Variants in MYH3 observed in about 807,000 individuals in gnomAD.
MYH3 encodes myosin-3.
Under a neutral mutation model 238.0 loss-of-function variants are expected in MYH3, and 130 were observed. The observed-to-expected ratio is 0.55, with a 90% CI of 0.47 to 0.63. MYH3 has a LOEUF of 0.63. Ranked by LOEUF, MYH3 falls within the 30% of genes least tolerant of loss-of-function variation. The pLI is 0.00. For missense variants in MYH3, 1,853 were observed against 2,374.9 expected, an observed-to-expected ratio of 0.78 and a Z score of 4.57; for synonymous variants, 880 against 924.1, an observed-to-expected ratio of 0.95 and a Z score of 0.86.
intron 2 of MYH3, among the ~76,000 whole-genome samples, chr17:10,655,404 TGACAACCAGGTGTTGCTGAGGGAAC>T (rs1343065441): frequency 1.3e-5 from 2 of 152,190 alleles, no homozygotes; most frequent in Non-Finnish European, 2.9e-5. Context: ...TCCGCTTCTG[TGACAACCAGGTGTTGCTGAGGGAAC>T]GTTTAAAAAT....
chr17:10,637,905 C>T lies in MYH3; in HGVS notation c.3760G>A (p.Glu1254Lys), dbSNP rs748053676. Residue 1254 changes from glutamate to lysine, a missense_variant, in exon 28 of 41, where the codon GAG becomes AAG. Glu to Lys is a moderately conservative substitution (Grantham distance 56). This residue lies in a region of MYH3 where 1,044 missense variants were observed against 1,192.6 expected (regional missense o/e 0.88). Transcript: ENST00000583535. ...ANLEKICRTLEDQLSEARGKN... is the reference protein window; with the variant it reads ...ANLEKICRTLKDQLSEARGKN... ...CCCCTGGCCTCACTTAACTGATCCT[C>T]CAGGGTTCGGCAGATTTTTTCCAGA... 1 of 1,614,140 alleles carries T rather than the reference C, an allele frequency of 6.2e-7. No individual in the cohort carries two copies. Among genetic ancestry groups the T allele is most frequent in the South Asian group, 1.1e-5 (1 of 91,076 alleles).
chr17:10,648,115 G>A lies in MYH3; in HGVS notation c.735+442C>T, dbSNP rs996849347. 5.9e-5 allele frequency among the ~76,000 whole-genome samples: 9 copies of A among 152,208 alleles called. 1 individual carries two copies. Among genetic ancestry groups the A allele is most frequent in the Admixed American group, 5.9e-4 (9 of 15,292 alleles). On this transcript the variant is annotated intron_variant, in intron 8 of 40. Transcript: ENST00000583535. ...ATGGCCTGTGGCTCCCACATGACCA[G>A]GTCTCTCTCTCTTCCACCTCATCTC...
the MYH3 span, chr17:10,673,762 G>A: frequency 6.6e-6 from 1 of 152,200 alleles, no homozygotes; most frequent in African/African-American, 2.4e-5. Flanking sequence ...GGGTAACCAA[G>A]CAGCATCTCT....
In MYH3 at chr17:10,642,291, T is replaced by G. The variant is rs1464698358; in HGVS notation, c.1908A>C (p.Lys636Asn). 4.3e-6 allele frequency: 7 copies of G among 1,614,056 alleles called. No homozygotes were observed. Among genetic ancestry groups the G allele is most frequent in the African/African-American group, 1.3e-5 (1 of 74,932 alleles). Residue 636 changes from lysine (K) to asparagine (N), a missense_variant, in exon 17 of 41, where the codon AAA (lysine) becomes AAC (asparagine). Lys to Asn is a moderately conservative substitution (Grantham distance 94, BLOSUM62 0). Transcript: ENST00000583535. The surrounding 1 kb of genome is among the most constrained non-coding windows in gnomAD (Gnocchi z 5.4). ...ATADADSGKK[K>N]VAKKKGSSFQ... ...AGGAAGAACCCTTCTTCTTGGCAAC[T>G]TTCTTCTTTCCACTGTCAGCTGAAA...
At chr17:10,649,214 T>G (rs1418215543) in intron 7 of MYH3, among the ~76,000 whole-genome samples, 2 of 152,240 alleles carry the variant, frequency 1.3e-5, no homozygotes, top group Non-Finnish European at 2.9e-5. Context: ...CAGTCAGTTG[T>G]CCGTATTCAT....
At chr17:10,641,244 T>A (rs1369927652) in intron 18 of MYH3, 41 bp downstream of exon 18, 1 of 1,611,352 alleles carries the variant, frequency 6.2e-7, no homozygotes, top group African/African-American at 1.3e-5. Flanking sequence ...CAGAATTTCT[T>A]AAAAACTGAG....
In MYH3 at chr17:10,629,629, G is replaced by A. The variant is rs1358047070; in HGVS notation, c.5764C>T (p.Arg1922Cys). 6.2e-6 allele frequency: 10 copies of A among 1,613,858 alleles called. No homozygotes were observed. Among genetic ancestry groups the A allele is most frequent in the Non-Finnish European group, 8.5e-6 (10 of 1,180,046 alleles). ...GAGGTGAAGTCTCGAGTCTTAGCGC[G>A]GAGCTTGTTGACTTGAGATTCTGCG... ...DIAESQVNKLRAKTRDFTSSR... is the reference protein window; with the variant it reads ...DIAESQVNKLCAKTRDFTSSR... The change falls in exon 40 of 41, where the codon CGC becomes TGC. Residue 1922 changes from arginine to cysteine, a missense_variant. By Grantham distance (180) the Arg-to-Cys change is radical (BLOSUM62 -3). This residue lies in a region of MYH3 where 1,044 missense variants were observed against 1,192.6 expected (regional missense o/e 0.88). Transcript: ENST00000583535.
chr17:10,656,866 G>A (rs1269504590), intron 1 of MYH3, among the ~76,000 whole-genome samples: 1 of 152,182 alleles, frequency 6.6e-6, no homozygotes, highest in Non-Finnish European at 1.5e-5. Context: ...CAAGACACCT[G>A]GCAGATGTAC....
intron 33 of MYH3, 94 bp downstream of exon 33, chr17:10,633,497 G>A: frequency 6.4e-7 from 1 of 1,560,590 alleles, no homozygotes; most frequent in Admixed American, 1.7e-5. Context: ...ATTTGACAAA[G>A]GCAAAAATGG....
At chr17:10,633,145 G>A (rs1313184314) in intron 33 of MYH3, among the ~76,000 whole-genome samples, 1 of 152,156 alleles carries the variant, frequency 6.6e-6, no homozygotes, top group Non-Finnish European at 1.5e-5. Flanking sequence ...CCAGGAGACA[G>A]AGGTTGCAGT....
chr17:10,645,843 G>A lies in MYH3; in HGVS notation c.1005C>T (p.Ser335=), dbSNP rs142547724. ...DDAEELLATD[S]AIDILGFTPE... ...GGGTGAAGCCCAGGATGTCAATGGC[G>A]CTCTGGCATGGAAAGGGCAGCACGT... Residue 335 remains serine (S), a splice_region_variant and synonymous_variant, in exon 12 of 41, where the codon AGC becomes AGT. Coordinates refer to ENST00000583535, the MANE Select transcript of MYH3 (RefSeq NM_002470.4). 18 of 1,613,772 alleles carry A rather than the reference G, an allele frequency of 1.1e-5. No individual in the cohort carries two copies. The Middle Eastern group carries it at 6.6e-4, about 59-fold the overall frequency.
In MYH3 at chr17:10,638,384, G is replaced by C. The variant is rs199517883; in HGVS notation, c.3388C>G (p.Arg1130Gly). The change falls in exon 27 of 41, where the codon CGC (arginine) becomes GGC (glycine). Residue 1130 changes from arginine (R) to glycine (G), a missense_variant. Arg to Gly is a moderately radical substitution (Grantham distance 125). Coordinates refer to ENST00000583535, the MANE Select transcript of MYH3 (RefSeq NM_002470.4). ...CTGCGCTGTTTCTCTGTCTTCGCGC[G>C]GGTGGCCCTCTCCGCCTCTATCTCC... is the stretch of plus-strand genomic sequence containing the variant. ...EEEIEAERAT[R>G]AKTEKQRSDY... The C allele has an allele frequency of 6.2e-7, 1 of 1,603,208 alleles. No homozygotes were observed. Among genetic ancestry groups the C allele is most frequent in the Non-Finnish European group, 8.5e-7 (1 of 1,179,940 alleles).
At position 10,651,671 on chromosome 17, in the gene MYH3, G is replaced by A. The variant is rs1283906363; in HGVS notation, c.349-3C>T. ...ACACAGAAGAGGCCTGAGTAGGTCTGTGGGAGGAAAAACATATACGTGCGT... is the reference window on the plus strand; with the variant it reads ...ACACAGAAGAGGCCTGAGTAGGTCTATGGGAGGAAAAACATATACGTGCGT... On this transcript the variant is annotated splice_region_variant and splice_polypyrimidine_tract_variant and intron_variant, in intron 4 of 40. Transcript: ENST00000583535. The A allele has an allele frequency of 1.9e-6, 3 of 1,613,974 alleles. No individual in the cohort carries two copies. The highest frequency in any genetic ancestry group is 1.1e-5 in the South Asian group (1 of 91,086).
Position 10,630,085 on chromosome 17 carries a change from C to T in MYH3, c.5562+7G>A. The T allele has an allele frequency of 6.2e-7, 1 of 1,613,636 alleles. No individual in the cohort carries two copies. The highest frequency in any genetic ancestry group is 2.2e-5 in the East Asian group (1 of 44,884). On this transcript the variant is annotated splice_region_variant and intron_variant, in intron 38 of 40. Coordinates refer to ENST00000583535, the MANE Select transcript of MYH3 (RefSeq NM_002470.4). ...GGACACGATCATGGCGTTTGCGTTC[C>T]ACTTACCTGGTACGTCAGCTCCTTG...
At position 10,631,877 on chromosome 17, in the gene MYH3, G is replaced by C; in HGVS notation, c.5096C>G (p.Ala1699Gly). ...GAGCTCCTGTTCCGCCAGTTTCCGG[G>C]CCCTCTCCGTCTGCTCCAGAGTAGC... The part of the protein sequence containing the change: ...LRATLEQTER[A>G]RKLAEQELLD... The change falls in exon 35 of 41, where the codon GCC becomes GGC. Residue 1699 changes from alanine to glycine, a missense_variant. By Grantham distance (60) the Ala-to-Gly change is moderately conservative. This residue lies in a region of MYH3 where 1,044 missense variants were observed against 1,192.6 expected (regional missense o/e 0.88). Coordinates refer to ENST00000583535, the MANE Select transcript of MYH3 (RefSeq NM_002470.4). The C allele has an allele frequency of 6.2e-7, 1 of 1,614,092 alleles. No individual in the cohort carries two copies. The highest frequency in any genetic ancestry group is 8.5e-7 in the Non-Finnish European group (1 of 1,180,028).
chr17:10,650,476 A>T, intron 5 of MYH3, 75 bp from the exon 6 acceptor site: 5 of 1,376,328 alleles, frequency 3.6e-6, no homozygotes, highest in Non-Finnish European at 5.1e-6. Context: ...ACTCTCAAGT[A>T]GCCAGAGTTA....
intron 19 of MYH3, 63 bp from the exon 20 acceptor site, chr17:10,640,749 G>A: frequency 1.3e-6 from 2 of 1,578,366 alleles, no homozygotes; most frequent in Non-Finnish European, 1.7e-6. Context: ...TGGAGAACAT[G>A]TAGTTCAGGC....
In MYH3 at chr17:10,645,913, T is replaced by C. The variant is rs377040885; in HGVS notation, c.1002+16A>G. 2.5e-5 allele frequency: 41 copies of C among 1,613,742 alleles called. No homozygotes were observed. The African/African-American group carries it at 4.1e-4, about 16-fold the overall frequency. ...ATGGAGGAGGAACACCCACCCCTTC[T>C]GTTGGTTCCACTTACGTCTGTAGCC... On this transcript the variant is annotated intron_variant, in intron 11 of 40. Transcript: ENST00000583535.
chr17:10,639,106 A>C lies in MYH3; in HGVS notation c.3186T>G (p.Leu1062=), dbSNP rs2074244929. ...CCAGATCTAATATGGACTCTTGAGC[A>C]AGCTTCAAGTCTCCTTCCAATTTCC... ...NKRKLEGDLK[L]AQESILDLEN... The change falls in exon 25 of 41, where the codon CTT becomes CTG. Residue 1062 remains leucine (L), a synonymous_variant. Coordinates refer to ENST00000583535, the MANE Select transcript of MYH3 (RefSeq NM_002470.4). 6.2e-7 allele frequency: 1 copy of C among 1,614,044 alleles called. No homozygotes were observed.
Sources: allele counts gnomAD v4.1 joint callset (sites outside exome capture counted in the v4.1 genomes callset), GRCh38; gene constraint gnomAD v4.1.1; regional missense constraint gnomAD v4.1.1; non-coding constraint Gnocchi (gnomAD v3.1); transcripts MANE v1.5; gene names NCBI Gene and HGNC (gene_info 2026-07-23, HGNC 2026-07-21).